Variants in MYO7B observed in about 807,000 individuals in gnomAD.
MYO7B encodes myosin VIIB.
MYO7B carries 212 observed loss-of-function variants against 259.7 expected under a neutral mutation model. The observed-to-expected ratio is 0.82, with a 90% CI of 0.73 to 0.91. MYO7B has a LOEUF of 0.91. MYO7B is among the 40% of genes least tolerant of loss of function. The pLI is 0.00. For missense variants in MYO7B, 2,732 were observed against 2,813.5 expected (o/e 0.97, Z 0.66); for synonymous variants, 1,197 against 1,166.4 (o/e 1.03, Z -0.54).
intron 26 of MYO7B, among the ~76,000 whole-genome samples, chr2:127,617,004 C>G (rs1166955692): frequency 1.3e-5 from 2 of 152,196 alleles, no homozygotes; most frequent in Non-Finnish European, 2.9e-5. Flanking sequence ...ACATTTATAA[C>G]ATTTTCCCAC....
chr2:127,630,666 C>T, intron 35 of MYO7B, 112 bp from the exon 36 acceptor site: 1 of 1,484,538 alleles, frequency 6.7e-7, no homozygotes. Context: ...GCCTGTTCAG[C>T]CCTGGGCCTG....
intron 2 of MYO7B, among the ~76,000 whole-genome samples, chr2:127,562,942 T>C (rs1339459168): frequency 6.6e-6 from 1 of 152,244 alleles, no homozygotes; most frequent in Non-Finnish European, 1.5e-5. Context: ...TTCTATATCA[T>C]TTTGCTCACT....
rs772855404 is a variant in MYO7B at position 127,590,200 on chromosome 2, A to T, written c.1963A>T (p.Ile655Phe). The change falls in exon 16 of 48, where the codon ATC becomes TTC. Residue 655 changes from isoleucine (I) to phenylalanine (F), a missense_variant. Coordinates refer to ENST00000409816, the MANE Select transcript of MYO7B (RefSeq NM_001393586.1). This position sits in a 1 kb window ranked among gnomAD's most constrained non-coding sequence, Gnocchi z 4.6. Reference protein sequence around the residue: ...TNCQPYFIRCIKPNEYKKPLL... With the variant: ...TNCQPYFIRCFKPNEYKKPLL... ...CTGCCAGCCTTACTTCATCCGCTGC[A>T]TCAAACCTAATGAGTACAAGAAGCC... 6.2e-7 allele frequency: 1 copy of T among 1,612,970 alleles called. No homozygotes were observed.
At chr2:127,620,227 T>C in intron 26 of MYO7B, 113 bp from the exon 27 acceptor site, 2 of 1,276,420 alleles carry the variant, frequency 1.6e-6, no homozygotes, top group Non-Finnish European at 2.1e-6. Flanking sequence ...GCTGGAGAGG[T>C]GCCCTGCATA....
At chr2:127,635,981 G>T in intron 44 of MYO7B, 74 bp downstream of exon 44, 10 of 1,497,568 alleles carry the variant, frequency 6.7e-6, no homozygotes, top group Non-Finnish European at 8.1e-6. Flanking sequence ...GCCATGCCCT[G>T]CCTGGGCTCC....
rs1353651043 is a variant in MYO7B at position 127,620,364 on chromosome 2, C to T, written c.3423C>T (p.Cys1141=). Residue 1141 remains cysteine, a synonymous_variant, in exon 27 of 48, where the codon TGC becomes TGT. Coordinates refer to ENST00000409816, the MANE Select transcript of MYO7B (RefSeq NM_001393586.1). ...SLRDEIYCQI[C]KQLSENFKTS... is the part of the protein sequence containing the mutation. ...GGGATGAGATTTACTGCCAGATCTG[C>T]AAGCAGCTCTCGGAGAACTTCAAAA... 1.9e-6 allele frequency: 3 copies of T among 1,612,464 alleles called. No individual in the cohort carries two copies. The highest frequency in any genetic ancestry group is 1.3e-5 in the African/African-American group (1 of 74,920).
rs1260921119 is a variant in MYO7B, at chr2:127,627,951, T to G, written c.4461-421T>G. On this transcript the variant is annotated intron_variant, in intron 33 of 47. Coordinates refer to ENST00000409816, the MANE Select transcript of MYO7B (RefSeq NM_001393586.1). The surrounding 1 kb of genome is among the most constrained non-coding windows in gnomAD (Gnocchi z 5.6). ...CACTGAGGCTGACCATGCTGGGCAC[T>G]TTCCTGTATGCCACGAAGTACCGAC... 2.2e-6 allele frequency: 1 copy of G among 462,296 alleles called. No homozygotes were observed. Among genetic ancestry groups the G allele is most frequent in the African/African-American group, 2.0e-5 (1 of 50,454 alleles). 28.6% of individuals were successfully genotyped at this position (462,296 alleles called of 1,614,324 possible).
intron 2 of MYO7B, among the ~76,000 whole-genome samples, chr2:127,561,849 G>A (rs75055323): frequency 0.17 from 26,463 of 152,146 alleles, 3,091 homozygotes; most frequent in Non-Finnish European, 0.26. Context: ...AGACATTTGC[G>A]TTCTCACAGT....
intron 43 of MYO7B, chr2:127,635,489 G>A (rs970534723): frequency 2.4e-5 from 15 of 630,438 alleles, no homozygotes; most frequent in East Asian, 1.6e-4. Context: ...AGCAGTGGCC[G>A]TGGCCTGCAG....
chr2:127,629,859 G>GTCCCC, intron 35 of MYO7B, 33 bp downstream of exon 35: 3 of 1,522,488 alleles, frequency 2.0e-6, no homozygotes, highest in Non-Finnish European at 2.6e-6. Flanking sequence ...CTCAGCCTGG[G>GTCCCC]TACCCGAGGT....
chr2:127,629,626 A>G lies in MYO7B; in HGVS notation c.4625-19A>G. 6.2e-7 allele frequency: 1 copy of G among 1,606,418 alleles called. No individual in the cohort carries two copies. The highest frequency in any genetic ancestry group is 8.5e-7 in the Non-Finnish European group (1 of 1,177,054). ...GGCCCCTGCAGAGCCCTCAGCAAATAGCCTCCCTGCCCTTACAGATGACAC... is the reference window on the plus strand; with the variant it reads ...GGCCCCTGCAGAGCCCTCAGCAAATGGCCTCCCTGCCCTTACAGATGACAC... On this transcript the variant is annotated intron_variant, in intron 34 of 47. Coordinates refer to ENST00000409816, the MANE Select transcript of MYO7B (RefSeq NM_001393586.1).
intron 5 of MYO7B, among the ~76,000 whole-genome samples, chr2:127,569,002 G>A (rs1238445020): frequency 1.3e-5 from 2 of 152,066 alleles, no homozygotes; most frequent in Non-Finnish European, 2.9e-5. Context: ...GAGGTCAGGA[G>A]TTTGAGACCA....
chr2:127,543,090 C>A (rs976017377), intron 1 of MYO7B, among the ~76,000 whole-genome samples: 1 of 152,168 alleles, frequency 6.6e-6, no homozygotes, highest in African/African-American at 2.4e-5. Flanking sequence ...AAGAGGCGTT[C>A]CTCTTTTACT....
chr2:127,544,954 T>C (rs1306382123), intron 1 of MYO7B, among the ~76,000 whole-genome samples: 1 of 152,054 alleles, frequency 6.6e-6, no homozygotes, highest in Non-Finnish European at 1.5e-5. Flanking sequence ...CTCGATCTCC[T>C]GACCTCATGA....
Position 127,576,661 on chromosome 2 carries a change from C to A in MYO7B, c.802C>A (p.Gln268Lys), listed in dbSNP as rs1678879469. Residue 268 changes from glutamine to lysine, a missense_variant, in exon 8 of 48, where the codon CAG becomes AAG. By Grantham distance (53) the Gln-to-Lys change is moderately conservative (BLOSUM62 1). This residue lies in a region of MYO7B where 1,906 missense variants were observed against 2,026.4 expected (regional missense o/e 0.94). Coordinates refer to ENST00000409816, the MANE Select transcript of MYO7B (RefSeq NM_001393586.1). This position sits in a 1 kb window ranked among gnomAD's most constrained non-coding sequence, Gnocchi z 4.9. Reference sequence around the variant, plus strand: ...CATGGGGGTGAGTGCTGAGGACAAGCAGCTGCTGAGCCTGGGCACGCCCTC... The same window carrying A: ...CATGGGGGTGAGTGCTGAGGACAAGAAGCTGCTGAGCCTGGGCACGCCCTC... ...MLMGVSAEDKQLLSLGTPSEY... is the reference protein window; with the variant it reads ...MLMGVSAEDKKLLSLGTPSEY... The A allele has an allele frequency of 6.2e-7, 1 of 1,612,404 alleles. No homozygotes were observed. Among genetic ancestry groups the A allele is most frequent in the Non-Finnish European group, 8.5e-7 (1 of 1,179,012 alleles).
intron 9 of MYO7B, among the ~76,000 whole-genome samples, chr2:127,579,401 A>G: frequency 6.6e-6 from 1 of 152,234 alleles, no homozygotes; most frequent in East Asian, 1.9e-4. Flanking sequence ...TATTGCTTCC[A>G]GGCAAGCTGC....
chr2:127,565,218 C>T lies in MYO7B; in HGVS notation c.133-15C>T, dbSNP rs757972537. On this transcript the variant is annotated splice_polypyrimidine_tract_variant and intron_variant, in intron 3 of 47. Coordinates refer to ENST00000409816, the MANE Select transcript of MYO7B (RefSeq NM_001393586.1). ...GGAGGCCACCCCTCAGGGGAGTCTG[C>T]ACCCATTGTTCCAGGAACACTGGAT... is the stretch of plus-strand genomic sequence containing the variant. 33 of 1,611,772 alleles carry T rather than the reference C, an allele frequency of 2.0e-5. No homozygotes were observed. The highest frequency in any genetic ancestry group is 2.3e-5 in the Non-Finnish European group (27 of 1,178,824).
At chr2:127,629,949 C>A in intron 35 of MYO7B, 123 bp downstream of exon 35, 1 of 1,071,124 alleles carries the variant, frequency 9.3e-7, no homozygotes, top group Non-Finnish European at 1.2e-6. Flanking sequence ...GCCAGGAGGG[C>A]CACCCGGGCA....
intron 20 of MYO7B, 103 bp downstream of exon 20, chr2:127,606,031 C>T (rs1051975961): frequency 5.3e-5 from 49 of 918,086 alleles, no homozygotes; most frequent in Non-Finnish European, 8.1e-5. Context: ...AGACCTCAGG[C>T]AGGAAGGATC....
Sources: gnomAD v4.1 joint callset for allele counts (sites outside exome capture counted in the v4.1 genomes callset) on GRCh38, gnomAD v4.1.1 for gene constraint, gnomAD v4.1.1 regional missense constraint, Gnocchi (gnomAD v3.1) non-coding constraint, MANE v1.5 for transcripts, NCBI Gene and HGNC (gene_info 2026-07-23, HGNC 2026-07-21) for gene names.